The following TJP1 variants were observed in gnomAD, a reference collection of about 807,000 sequenced individuals.
TJP1 encodes tight junction protein ZO-1.
In TJP1, 43 loss-of-function variants were observed where a neutral mutation model predicts 194.2. The ratio of observed to expected loss-of-function variants is 0.22; its 90% CI spans 0.17 to 0.29. The LOEUF is 0.29. Ranked by LOEUF, TJP1 falls within the 10% of genes least tolerant of loss-of-function variation. TJP1 has a pLI of 1.00. For missense variants in TJP1, 1,971 were observed against 2,185.7 expected, an observed-to-expected ratio of 0.90 and a Z score of 1.96; for synonymous variants, 801 against 779.0, an observed-to-expected ratio of 1.03 and a Z score of -0.47.
intron 2 of TJP1, among the ~76,000 whole-genome samples, chr15:29,791,069 C>T (rs1317946420): frequency 6.6e-6 from 1 of 151,014 alleles, no homozygotes; most frequent in Non-Finnish European, 1.5e-5. Context: ...ACTCTGTCAC[C>T]AGGCTGGAGT....
At chr15:29,901,925 A>G (rs1424513965) in intron 2 of TJP1, among the ~76,000 whole-genome samples, 1 of 151,876 alleles carries the variant, frequency 6.6e-6, no homozygotes, top group Non-Finnish European at 1.5e-5. Flanking sequence ...GTTCTCATAT[A>G]CTTTGTACCA....
At chr15:29,950,700 C>T (rs942948727) in intron 2 of TJP1, among the ~76,000 whole-genome samples, 5 of 152,180 alleles carry the variant, frequency 3.3e-5, no homozygotes, top group Admixed American at 3.3e-4. Flanking sequence ...CATGGACTTT[C>T]TTTCTACCGT....
chr15:29,853,167 T>C lies in TJP1; in HGVS notation c.307-52465A>G, dbSNP rs2051711278. 2.6e-5 allele frequency among the ~76,000 whole-genome samples: 4 copies of C among 152,316 alleles called. No homozygotes were observed. The East Asian group carries it at 5.8e-4, about 22-fold the overall frequency. On this transcript the variant is annotated intron_variant, in intron 2 of 28. Transcript: ENST00000356107. The stretch of plus-strand genomic sequence containing the variant: ...CCCAAAAGTTTCATTCTGTTTTGGG[T>C]TTTAAATTCCATTTATAGAACATTT...
At chr15:29,953,234 C>A (rs372009557) in intron 2 of TJP1, among the ~76,000 whole-genome samples, 1 of 149,982 alleles carries the variant, frequency 6.7e-6, no homozygotes, top group South Asian at 2.1e-4. Context: ...CTCCACCTCC[C>A]GAGTTCAAGC....
At chr15:29,747,050 C>T (rs1449071257) in intron 8 of TJP1, among the ~76,000 whole-genome samples, 6 of 152,188 alleles carry the variant, frequency 3.9e-5, no homozygotes, top group Admixed American at 3.3e-4. Context: ...TTTGGGAGGC[C>T]GAGGTCGGTG....
chr15:29,739,621 T>C (rs936659671), intron 10 of TJP1, among the ~76,000 whole-genome samples: 21 of 151,910 alleles, frequency 1.4e-4, no homozygotes, highest in African/African-American at 5.1e-4. Flanking sequence ...TTTTTTTGTA[T>C]TTTTAGTAGA....
chr15:29,747,781 C>T (rs561093470), intron 8 of TJP1, among the ~76,000 whole-genome samples: 13 of 152,308 alleles, frequency 8.5e-5, no homozygotes, highest in East Asian at 5.8e-4. Flanking sequence ...AACGATAGGT[C>T]GTCATTGGCT....
intron 2 of TJP1, among the ~76,000 whole-genome samples, chr15:29,873,382 A>T (rs1272519114): frequency 6.6e-6 from 1 of 152,176 alleles, no homozygotes. Flanking sequence ...CTCACAGCAA[A>T]AACCTAACAC....
chr15:29,754,184 A>G (rs2045491437), intron 8 of TJP1, among the ~76,000 whole-genome samples: 1 of 152,238 alleles, frequency 6.6e-6, no homozygotes, highest in African/African-American at 2.4e-5. Context: ...ACACCATGGA[A>G]TACTATGCAG....
chr15:29,866,053 A>G (rs547135264), intron 2 of TJP1, among the ~76,000 whole-genome samples: 1 of 152,238 alleles, frequency 6.6e-6, no homozygotes, highest in Non-Finnish European at 1.5e-5. Flanking sequence ...GGAAGAAAGG[A>G]AACATAGAGC....
intron 18 of TJP1, among the ~76,000 whole-genome samples, chr15:29,721,352 T>A (rs911658107): frequency 9.2e-5 from 14 of 152,232 alleles, no homozygotes; most frequent in Admixed American, 9.2e-4. Flanking sequence ...TCCCAAGATC[T>A]GTTTTTTTAA....
At chr15:29,866,026 T>G (rs1202835159) in intron 2 of TJP1, among the ~76,000 whole-genome samples, 8 of 152,210 alleles carry the variant, frequency 5.3e-5, no homozygotes, top group African/African-American at 1.9e-4. Flanking sequence ...AAAGGCATAC[T>G]TTCATCTTGG....
At chr15:29,730,688 C>T (rs1055735413) in intron 15 of TJP1, 7 of 752,102 alleles carry the variant, frequency 9.3e-6, no homozygotes, top group African/African-American at 5.1e-5. Context: ...ACGTCCAGCA[C>T]CTACGTCCTG....
At chr15:29,885,426 G>A (rs1341907576) in intron 2 of TJP1, among the ~76,000 whole-genome samples, 1 of 152,220 alleles carries the variant, frequency 6.6e-6, no homozygotes, top group Non-Finnish European at 1.5e-5. Flanking sequence ...GCTGTGGGGA[G>A]GGACTGCAGG....
intron 2 of TJP1, among the ~76,000 whole-genome samples, chr15:29,926,861 G>A (rs768241209): frequency 2.0e-4 from 30 of 152,084 alleles, no homozygotes; most frequent in South Asian, 8.3e-4. Flanking sequence ...TGACTGACAC[G>A]TTTTGAAATA....
chr15:29,922,506 T>C (rs1457708782), intron 2 of TJP1, among the ~76,000 whole-genome samples: 1 of 152,234 alleles, frequency 6.6e-6, no homozygotes, highest in Non-Finnish European at 1.5e-5. Context: ...TTTAAGTTTC[T>C]AAGAAAATCT....
intron 2 of TJP1, among the ~76,000 whole-genome samples, chr15:29,836,304 T>TG (rs1393433553): frequency 1.3e-5 from 2 of 151,844 alleles, no homozygotes; most frequent in Admixed American, 6.6e-5. Context: ...GACAGAGTCT[T>TG]GCTCTGTCGC....
In TJP1 at chr15:29,879,424, C is replaced by T. The variant is rs567277449; in HGVS notation, c.306+76808G>A. Among the ~76,000 whole-genome samples the T allele has an allele frequency of 2.0e-5, 3 of 152,318 alleles. No homozygotes were observed. In the East Asian group the frequency reaches 5.8e-4, roughly 30 times the overall value. On this transcript the variant is annotated intron_variant, in intron 2 of 28. Coordinates refer to the TJP1 transcript ENST00000356107. The stretch of plus-strand genomic sequence containing the variant: ...CCTCCGGCGCTTGCTGCCCAGAAGC[C>T]TCCCTGGAGCCAAGACCTGAGAGCC...
At chr15:29,956,268 G>T in exon 2 of TJP1, 1 of 1,288,726 alleles carries the variant, frequency 7.8e-7, no homozygotes, top group South Asian at 1.2e-5. Flanking sequence ...CAAGGCTTTT[G>T]CTTCTGTGTA....
Sources: gnomAD v4.1 joint callset for allele counts (sites outside exome capture counted in the v4.1 genomes callset) on GRCh38, gnomAD v4.1.1 for gene constraint, MANE v1.5 for transcripts, NCBI Gene and HGNC (gene_info 2026-07-23, HGNC 2026-07-21) for gene names.